Variants in ADGRL3 observed in about 807,000 individuals in gnomAD.
ADGRL3 encodes calcium-independent alpha-latrotoxin receptor 3.
In ADGRL3, 62 loss-of-function variants were observed where a neutral mutation model predicts 153.5. The observed-to-expected ratio is 0.40, with a 90% CI of 0.33 to 0.50. The LOEUF (loss-of-function observed/expected upper bound fraction) is 0.50. Among genes scored for constraint, ADGRL3 ranks in the 20% least tolerant of loss-of-function variants. ADGRL3 has a pLI of 0.47. For missense variants in ADGRL3, 1,641 were observed against 1,859.4 expected (o/e 0.88, Z 2.16); for synonymous variants, 710 against 672.5 (o/e 1.06, Z -0.86).
intron 8 of ADGRL3, among the ~76,000 whole-genome samples, chr4:61,762,327 A>G (rs1580698245): frequency 6.6e-6 from 1 of 152,166 alleles, no homozygotes; most frequent in African/African-American, 2.4e-5. Flanking sequence ...TTTTTATTTG[A>G]CAATGCTTCT....
chr4:61,577,583 G>A (rs973688097), intron 4 of ADGRL3, among the ~76,000 whole-genome samples: 2 of 151,876 alleles, frequency 1.3e-5, no homozygotes, highest in African/African-American at 2.4e-5. Flanking sequence ...GGCAGAGGTG[G>A]GAAAATTGCT....
chr4:61,642,627 G>C (rs2093737290), intron 5 of ADGRL3, among the ~76,000 whole-genome samples: 1 of 152,110 alleles, frequency 6.6e-6, no homozygotes, highest in African/African-American at 2.4e-5. Flanking sequence ...TGAGGGCTCT[G>C]TTCTGTTCCA....
At chr4:61,408,361 C>T (rs1464602288) in intron 2 of ADGRL3, among the ~76,000 whole-genome samples, 1 of 151,706 alleles carries the variant, frequency 6.6e-6, no homozygotes, top group African/African-American at 2.4e-5. Flanking sequence ...CTATTTTAAA[C>T]TACTGACCCT....
intron 9 of ADGRL3, among the ~76,000 whole-genome samples, chr4:61,827,304 A>T (rs1167017373): frequency 6.6e-6 from 1 of 152,198 alleles, no homozygotes; most frequent in Admixed American, 6.5e-5. Context: ...TTGACTGGTG[A>T]TTGTGAATCT....
intron 1 of ADGRL3, among the ~76,000 whole-genome samples, chr4:61,209,608 C>T (rs1374998939): frequency 1.3e-5 from 2 of 151,862 alleles, no homozygotes; most frequent in Admixed American, 1.3e-4. Flanking sequence ...ATGTTCTTTC[C>T]CTCTGTCCTT....
At chr4:61,308,018 G>A (rs542777957) in intron 1 of ADGRL3, among the ~76,000 whole-genome samples, 1 of 152,276 alleles carries the variant, frequency 6.6e-6, no homozygotes, top group Admixed American at 6.5e-5. Context: ...CTGCTTATTT[G>A]TCCAGGAAGA....
At chr4:61,772,935 AC>A (rs1026884795) in intron 8 of ADGRL3, among the ~76,000 whole-genome samples, 2 of 152,166 alleles carry the variant, frequency 1.3e-5, no homozygotes, top group African/African-American at 4.8e-5. Flanking sequence ...TGTTTAAAAT[AC>A]CCTGTTTAAA....
intron 25 of ADGRL3, among the ~76,000 whole-genome samples, chr4:62,066,410 A>G (rs1348988720): frequency 2.6e-5 from 4 of 152,030 alleles, no homozygotes; most frequent in Admixed American, 2.6e-4. Context: ...AAATATGTAA[A>G]GATGTGTTTA....
At chr4:61,506,822 C>T (rs933005017) in intron 3 of ADGRL3, among the ~76,000 whole-genome samples, 1 of 152,004 alleles carries the variant, frequency 6.6e-6, no homozygotes, top group Non-Finnish European at 1.5e-5. Context: ...ACATTTCATT[C>T]TTTTTCTTGG....
chr4:61,745,312 C>A (rs190508454), intron 8 of ADGRL3, among the ~76,000 whole-genome samples: 13,141 of 152,018 alleles, frequency 0.086, 1,195 homozygotes, highest in African/African-American at 0.23. Flanking sequence ...AGAACTTCCC[C>A]AATCTAGCAA....
In ADGRL3 at chr4:61,675,219, G is replaced by A. The variant is rs2095145968; in HGVS notation, c.474-1607G>A. Among the ~76,000 whole-genome samples, 3 of 151,878 alleles carry A rather than the reference G, an allele frequency of 2.0e-5. No homozygotes were observed. In the Admixed American group the frequency reaches 2.0e-4, roughly 10 times the overall value. ...GAGTTCTGCTCTAGATGCTCTTTAT[G>A]TTGCCACTATCCTTGCAAGTATTCT... On this transcript the variant is annotated intron_variant, in intron 5 of 26. Transcript: ENST00000683033.
At chr4:61,246,248 A>G (rs1757025355) in intron 1 of ADGRL3, among the ~76,000 whole-genome samples, 1 of 152,032 alleles carries the variant, frequency 6.6e-6, no homozygotes. Flanking sequence ...CTGCCTTGAA[A>G]GCCCAAGTCC....
At chr4:62,057,079 T>A (rs2151821149) in intron 25 of ADGRL3, among the ~76,000 whole-genome samples, 1 of 152,246 alleles carries the variant, frequency 6.6e-6, no homozygotes, top group East Asian at 1.9e-4. Context: ...TTTTAAGAAC[T>A]TTTCAGTATA....
At chr4:61,651,337 A>G (rs746678878) in intron 5 of ADGRL3, among the ~76,000 whole-genome samples, 13 of 152,188 alleles carry the variant, frequency 8.5e-5, no homozygotes, top group Non-Finnish European at 1.9e-4. Context: ...TTCCTAAATC[A>G]TAAAATATCA....
intron 1 of ADGRL3, among the ~76,000 whole-genome samples, chr4:61,245,875 C>A (rs1756849936): frequency 9.8e-6 from 1 of 101,756 alleles, no homozygotes; most frequent in Admixed American, 9.8e-5. Context: ...CAATAAAATA[C>A]CTTCAGGCAG....
chr4:61,979,709 C>T lies in ADGRL3; in HGVS notation c.2952C>T (p.Leu984=). The change falls in exon 18 of 27, where the codon CTC becomes CTT. Residue 984 remains leucine (L), a synonymous_variant. Transcript: ENST00000683033. The part of the protein sequence containing the change: ...QSDRNTIHKN[L]CISLFVAELL... The stretch of plus-strand genomic sequence containing the variant: ...ACCGTAACACCATCCACAAGAACCT[C>T]TGCATCAGTCTCTTTGTAGCAGAGC... The T allele has an allele frequency of 6.2e-7, 1 of 1,614,048 alleles. No individual in the cohort carries two copies. Among genetic ancestry groups the T allele is most frequent in the Non-Finnish European group, 8.5e-7 (1 of 1,179,942 alleles).
At chr4:62,064,443 C>G (rs1221922498) in intron 25 of ADGRL3, among the ~76,000 whole-genome samples, 1 of 151,556 alleles carries the variant, frequency 6.6e-6, no homozygotes, top group Non-Finnish European at 1.5e-5. Flanking sequence ...ACACAGAAAG[C>G]TTAAAATACA....
At chr4:61,689,942 A>G (rs964890688) in intron 6 of ADGRL3, among the ~76,000 whole-genome samples, 9 of 152,176 alleles carry the variant, frequency 5.9e-5, no homozygotes. Flanking sequence ...ACTTTTTATT[A>G]GGGAAGGTGG....
At chr4:61,583,944 A>G (rs764890134) in intron 4 of ADGRL3, among the ~76,000 whole-genome samples, 13 of 151,952 alleles carry the variant, frequency 8.6e-5, no homozygotes, top group Non-Finnish European at 1.9e-4. Context: ...CTGGCACAAC[A>G]TGCAGTAGAC....
Sources: allele counts gnomAD v4.1 joint callset (sites outside exome capture counted in the v4.1 genomes callset), GRCh38; gene constraint gnomAD v4.1.1; transcripts MANE v1.5; gene names NCBI Gene and HGNC (gene_info 2026-07-23, HGNC 2026-07-21).